ABCD4: variants seen among roughly 807,000 people sequenced by gnomAD.
ABCD4 encodes the protein ATP binding cassette subfamily D member 4.
A neutral mutation model predicts 86.3 loss-of-function variants in ABCD4; 53 were observed. The ratio of observed to expected loss-of-function variants is 0.61; its 90% confidence interval spans 0.49 to 0.77. The LOEUF is 0.77. Among genes scored for constraint, ABCD4 ranks in the 30% least tolerant of loss-of-function variants. ABCD4 has a pLI of 0.00. For missense variants in ABCD4, 757 were observed against 764.5 expected (o/e 0.99, Z 0.12); for synonymous variants, 328 against 313.6 (o/e 1.05, Z -0.49).
chr14:74,287,803 A>C lies in ABCD4; in HGVS notation c.1636+7T>G. 1.2e-6 allele frequency: 2 copies of C among 1,609,014 alleles called. No homozygotes were observed. Among genetic ancestry groups the C allele is most frequent in the Non-Finnish European group, 1.7e-6 (2 of 1,177,548 alleles). Reference sequence around the variant, plus strand: ...ATGGCATGTGCAGCCACAAGGCGAGACCTCACCTGCGTACTTCGGCTGCAG... The same window carrying C: ...ATGGCATGTGCAGCCACAAGGCGAGCCCTCACCTGCGTACTTCGGCTGCAG... On this transcript the variant is annotated splice_region_variant and intron_variant, in intron 17 of 18. Coordinates refer to ENST00000356924, the MANE Select transcript of ABCD4 (RefSeq NM_005050.4).
chr14:74,287,984 G>C, intron 16 of ABCD4, 98 bp from the exon 17 acceptor site: 2 of 1,241,346 alleles, frequency 1.6e-6, no homozygotes, highest in Non-Finnish European at 2.3e-6. Context: ...TCTGCACAGA[G>C]GTGAGCCCCA....
chr14:74,292,201 G>C, intron 11 of ABCD4, 86 bp downstream of exon 11: 1 of 1,266,342 alleles, frequency 7.9e-7, no homozygotes, highest in Non-Finnish European at 1.1e-6. Flanking sequence ...TGCCCAGCTG[G>C]GAAAGGGCAG....
At chr14:74,296,230 C>A in intron 5 of ABCD4, 103 bp downstream of exon 5, 1 of 1,259,622 alleles carries the variant, frequency 7.9e-7, no homozygotes, top group Non-Finnish European at 1.2e-6. Context: ...TGGTAAGGTA[C>A]GGTGGGAGAG....
At position 74,292,796 on chromosome 14, in the gene ABCD4, C is replaced by T. The variant is rs1192687721; in HGVS notation, c.888G>A (p.Gly296=). ...YVVIAIPIFS[G]VYGDLSPAEL... ...CTGCGGGACTCAGGTCTCCATAGAC[C>T]CCGCTGAAAATGGGGATTGCGATGA... The change falls in exon 9 of 19, where the codon GGG becomes GGA. Residue 296 remains glycine (G), a synonymous_variant. Coordinates refer to ENST00000356924, the MANE Select transcript of ABCD4 (RefSeq NM_005050.4). The T allele has an allele frequency of 6.2e-7, 1 of 1,614,080 alleles. No homozygotes were observed. The highest frequency in any genetic ancestry group is 1.7e-5 in the Admixed American group (1 of 60,016).
chr14:74,287,133 C>T (rs1268121433), intron 17 of ABCD4, among the ~76,000 whole-genome samples: 1 of 152,220 alleles, frequency 6.6e-6, no homozygotes, highest in East Asian at 1.9e-4. Flanking sequence ...CACACCCATC[C>T]ACCTGCCAGG....
At chr14:74,294,791 T>C (rs2082418090) in intron 7 of ABCD4, 1 of 263,524 alleles carries the variant, frequency 3.8e-6, no homozygotes, top group Non-Finnish European at 7.3e-6. Context: ...GGATCAGGCT[T>C]GAACCTCAGG....
At position 74,287,144 on chromosome 14, in the gene ABCD4, C is replaced by G. The variant is rs375603941; in HGVS notation, c.1637-328G>C. ...AGTCCACACCCATCCACCTGCCAGGCACAGCTTGGTGGGAGAGGAGGATGG... is the reference window on the plus strand; with the variant it reads ...AGTCCACACCCATCCACCTGCCAGGGACAGCTTGGTGGGAGAGGAGGATGG... On this transcript the variant is annotated intron_variant, in intron 17 of 18. Transcript: ENST00000356924. Among the ~76,000 whole-genome samples, 12 of 152,350 alleles carry G rather than the reference C, an allele frequency of 7.9e-5. No homozygotes were observed. In the East Asian group the frequency reaches 2.3e-3, roughly 29 times the overall value.
rs2080632470 is a variant in ABCD4 at position 74,288,940 on chromosome 14, T to C, written c.1457-175A>G. ...CACCCTGGCCAACATGGTGAAACGCTGTCTCTACTAAATATACAAAAATTA... is the reference window on the plus strand; with the variant it reads ...CACCCTGGCCAACATGGTGAAACGCCGTCTCTACTAAATATACAAAAATTA... On this transcript the variant is annotated intron_variant, in intron 14 of 18. Transcript: ENST00000356924. 4.3e-6 allele frequency: 4 copies of C among 938,802 alleles called. No individual in the cohort carries two copies. In the Admixed American group the frequency reaches 1.2e-4, roughly 28 times the overall value. The allele number at this position is 938,802 out of a possible 1,614,324, so 58.2% of individuals were successfully genotyped here. A position where few individuals can be genotyped will look rare whatever the true frequency, so the allele number is the denominator to read the frequency against.
chr14:74,292,497 CT>C (rs2081790386), intron 10 of ABCD4, 53 bp downstream of exon 10: 1 of 1,601,840 alleles, frequency 6.2e-7, no homozygotes, highest in East Asian at 2.2e-5. Flanking sequence ...TCAGCCACTT[CT>C]GCCAGCAGCA....
rs773345921 is a variant in ABCD4 at position 74,290,370 on chromosome 14, GCT to G, written c.1246_1247del (p.Ser416ProfsTer51). The part of the protein sequence containing the change: ...DLSLKISEGQ[S>X]LLITGNTGTG... ...TGCCCGTGTTGCCTGTGATGAGCAGGCTCTGTCCCTCGGAGATCTTTAGGCTC... is the reference window on the plus strand; with the variant it reads ...TGCCCGTGTTGCCTGTGATGAGCAGGCTGTCCCTCGGAGATCTTTAGGCTC... On this transcript the variant is annotated frameshift_variant, in exon 12 of 19. Transcript: ENST00000356924. LOFTEE classifies it high-confidence loss of function. The G allele has an allele frequency of 7.4e-6, 12 of 1,614,164 alleles. No homozygotes were observed. The highest frequency in any genetic ancestry group is 1.0e-5 in the Non-Finnish European group (12 of 1,180,032).
intron 10 of ABCD4, 26 bp from the exon 11 acceptor site, chr14:74,292,402 C>G (rs1472575429): frequency 6.2e-7 from 1 of 1,612,978 alleles, no homozygotes; most frequent in Non-Finnish European, 8.5e-7. Context: ...AAATCTGAGG[C>G]AGGGTCTGGG....
At chr14:74,298,303 C>T (rs911569747) in intron 3 of ABCD4, among the ~76,000 whole-genome samples, 1 of 152,148 alleles carries the variant, frequency 6.6e-6, no homozygotes, top group Admixed American at 6.5e-5. Flanking sequence ...TGGAGTTTTA[C>T]TCTTGTTGCC....
chr14:74,287,086 C>T (rs2079980807), intron 17 of ABCD4, among the ~76,000 whole-genome samples: 1 of 152,190 alleles, frequency 6.6e-6, no homozygotes, highest in Admixed American at 6.5e-5. Context: ...CCAGGGAATC[C>T]CAGTCCCCCG....
rs749465661 is a variant in ABCD4, at chr14:74,286,444, T to G, written c.*17A>C. On this transcript the variant is annotated 3_prime_UTR_variant, in exon 19 of 19. Transcript: ENST00000356924. Reference sequence around the variant, plus strand: ...CCGACCCGCCACAGTGTGGCTCTCCTTCCAAAAGCCAGAGCTTCATTCCAC... The same window carrying G: ...CCGACCCGCCACAGTGTGGCTCTCCGTCCAAAAGCCAGAGCTTCATTCCAC... 2.5e-6 allele frequency: 4 copies of G among 1,613,638 alleles called. No homozygotes were observed. In the South Asian group the frequency reaches 4.4e-5, roughly 18 times the overall value.
chr14:74,293,005 C>A, intron 8 of ABCD4, 136 bp from the exon 9 acceptor site: 1 of 1,488,728 alleles, frequency 6.7e-7, no homozygotes, highest in South Asian at 1.3e-5. Context: ...AGGATACTCA[C>A]AGAAAGGCAA....
chr14:74,294,189 ATTACAGGTGCCC>A (rs1386437168), intron 7 of ABCD4: 5 of 151,854 alleles, frequency 3.3e-5, no homozygotes, highest in African/African-American at 1.2e-4. Flanking sequence ...AGTAGCTGGG[ATTACAGGTGCCC>A]GCCACCATGC....
chr14:74,291,614 A>C (rs1347038768), intron 11 of ABCD4, among the ~76,000 whole-genome samples: 2 of 152,164 alleles, frequency 1.3e-5, no homozygotes, highest in African/African-American at 2.4e-5. Flanking sequence ...CAGCCTCTGC[A>C]CTCATGGTTG....
intron 17 of ABCD4, among the ~76,000 whole-genome samples, chr14:74,287,544 A>C (rs2080108247): frequency 9.2e-6 from 1 of 108,224 alleles, no homozygotes; most frequent in Non-Finnish European, 1.9e-5. Context: ...ACAGAGTGAG[A>C]CTGTCTCAAA....
chr14:74,292,304 G>A lies in ABCD4; in HGVS notation c.1101C>T (p.Ser367=), dbSNP rs930033832. Residue 367 remains serine (S), a synonymous_variant, in exon 11 of 19, where the codon AGC becomes AGT. Transcript: ENST00000356924. ...KSQDCEILGE[S]EWGLDTPPGW... ...CTACTCACGTGTCCAAGCCCCACTC[G>A]CTCTCGCCCAGGATCTCGCAGTCCT... The A allele has an allele frequency of 3.1e-6, 5 of 1,613,980 alleles. No homozygotes were observed. Among genetic ancestry groups the A allele is most frequent in the South Asian group, 1.1e-5 (1 of 91,074 alleles).
Sources: gnomAD v4.1 joint callset for allele counts (sites outside exome capture counted in the v4.1 genomes callset) on GRCh38, gnomAD v4.1.1 for gene constraint, MANE v1.5 for transcripts, NCBI Gene and HGNC (gene_info 2026-07-23, HGNC 2026-07-21) for gene names.